The following TMEM25 variants were observed in gnomAD, a reference collection of about 807,000 sequenced individuals.
TMEM25 encodes the protein 0610039J01Rik.
TMEM25 carries 36 observed loss-of-function variants against 37.0 expected under a neutral mutation model. The observed-to-expected ratio is 0.97, with a 90% CI of 0.75 to 1.28. The LOEUF is 1.28. TMEM25 is among the 50% of genes most tolerant of loss of function. TMEM25 has a pLI of 0.00. For synonymous variants in TMEM25, 197 were observed against 203.7 expected (o/e 0.97, Z 0.28); for missense variants, 444 against 477.9 (o/e 0.93, Z 0.66).
In TMEM25 at chr11:118,545,424, T is replaced by C. The variant is rs1430025034; in HGVS notation, c.1028-695T>C. The C allele has an allele frequency of 2.5e-6, 4 of 1,612,372 alleles. No homozygotes were observed. The East Asian group carries it at 6.7e-5, about 27-fold the overall frequency. On this transcript the variant is annotated intron_variant, in intron 8 of 8. Transcript: ENST00000354284. ...CTTGGCTCACCTGTGAGTTCTTGAATTCTGAGTAGAGGGAAAAGAGCAGAT... is the reference window on the plus strand; with the variant it reads ...CTTGGCTCACCTGTGAGTTCTTGAACTCTGAGTAGAGGGAAAAGAGCAGAT...
At position 118,532,258 on chromosome 11, in the gene TMEM25, C is replaced by T. The variant is rs781900792; in HGVS notation, c.179C>T (p.Thr60Ile). Residue 60 changes from threonine to isoleucine, a missense_variant, in exon 3 of 9, where the codon ACC becomes ATC. Physicochemically the swap from Thr to Ile is moderately conservative, Grantham distance 89. Coordinates refer to ENST00000313236, the MANE Select transcript of TMEM25 (RefSeq NM_032780.4). ...TGCCGGGTGGCAGGGGGGCCTGGCACCCCCAGATTGGCCTGGTATCTGGAT... is the reference window on the plus strand; with the variant it reads ...TGCCGGGTGGCAGGGGGGCCTGGCATCCCCAGATTGGCCTGGTATCTGGAT... ...FTCRVAGGPG[T>I]PRLAWYLDGQ... 3 of 1,613,868 alleles carry T rather than the reference C, an allele frequency of 1.9e-6. No homozygotes were observed. Among genetic ancestry groups the T allele is most frequent in the South Asian group, 2.2e-5 (2 of 91,066 alleles).
rs1448635908 is a variant in TMEM25, at chr11:118,534,524, G to A, written c.1045G>A (p.Val349Met). 1.2e-6 allele frequency: 2 copies of A among 1,614,246 alleles called. No individual in the cohort carries two copies. The highest frequency in any genetic ancestry group is 1.3e-5 in the African/African-American group (1 of 75,066). ...LTSQGFIRLPVLGYIYRVSSV... is the reference protein window; with the variant it reads ...LTSQGFIRLPMLGYIYRVSSV... The stretch of plus-strand genomic sequence containing the variant: ...TCCCGCAGGTTTCATCCGCCTCCCA[G>A]TGCTGGGCTATATCTATCGAGTGTC... Residue 349 changes from valine (V) to methionine (M), a missense_variant, in exon 9 of 9, where the codon GTG (valine) becomes ATG (methionine). Coordinates refer to ENST00000313236, the MANE Select transcript of TMEM25 (RefSeq NM_032780.4). The surrounding 1 kb of genome is among the most constrained non-coding windows in gnomAD (Gnocchi z 4.6).
chr11:118,546,148 CAG>C (rs1313878795), exon 9 of TMEM25: 2 of 718,366 alleles, frequency 2.8e-6, no homozygotes, highest in African/African-American at 3.5e-5. Context: ...AGACGCATAA[CAG>C]AGGGAAGACC....
chr11:118,543,762 C>T (rs1555066309), intron 8 of TMEM25, among the ~76,000 whole-genome samples: 1 of 151,312 alleles, frequency 6.6e-6, no homozygotes, highest in African/African-American at 2.4e-5. Context: ...GCTGGGATTA[C>T]AGGCATGAGC....
chr11:118,545,386 T>A, intron 8 of TMEM25: 1 of 1,539,206 alleles, frequency 6.5e-7, no homozygotes, highest in Non-Finnish European at 9.0e-7. Flanking sequence ...ACAGCTTAAG[T>A]CAACCCCTGA....
chr11:118,531,626 C>T, intron 1 of TMEM25, 149 bp from the exon 2 acceptor site: 1 of 637,980 alleles, frequency 1.6e-6, no homozygotes, highest in East Asian at 2.8e-5. Flanking sequence ...TTGGGCTTTG[C>T]CGTTCGTGTC....
downstream of TMEM25, among the ~76,000 whole-genome samples, chr11:118,538,828 G>T (rs1288001426): frequency 6.6e-6 from 1 of 150,600 alleles, no homozygotes; most frequent in Non-Finnish European, 1.5e-5. Context: ...GGAGGCAGAG[G>T]TTGCAGTGAG....
exon 9 of TMEM25, chr11:118,546,380 A>C (rs1951686861): frequency 6.0e-6 from 3 of 499,594 alleles, no homozygotes; most frequent in Non-Finnish European, 1.1e-5. Flanking sequence ...AGTCCCAGCT[A>C]CTTGGGAGGC....
At chr11:118,531,905 C>T (rs1555058687) in intron 2 of TMEM25, 34 bp downstream of exon 2, 1 of 1,550,218 alleles carries the variant, frequency 6.5e-7, no homozygotes, top group Non-Finnish European at 8.7e-7. Context: ...CCAAGTCCTT[C>T]TGGGTTCCAA....
chr11:118,537,161 T>C (rs1331539100), downstream of TMEM25, among the ~76,000 whole-genome samples: 2 of 152,070 alleles, frequency 1.3e-5, no homozygotes, highest in African/African-American at 2.4e-5. Flanking sequence ...GGCAACATGG[T>C]GAAACCCCAT....
chr11:118,537,391 G>T (rs950070890), downstream of TMEM25, among the ~76,000 whole-genome samples: 3 of 152,066 alleles, frequency 2.0e-5, no homozygotes, highest in African/African-American at 7.2e-5. Flanking sequence ...CCAGGCTGGT[G>T]TGACATGTGT....
At position 118,534,807 on chromosome 11, in the gene TMEM25, C is replaced by A; in HGVS notation, c.*227C>A. 1 of 1,388,566 alleles carries A rather than the reference C, an allele frequency of 7.2e-7. No homozygotes were observed. 86.0% of individuals were successfully genotyped at this position (1,388,566 alleles called of 1,614,324 possible). ...GCAAGGCTACCAGTTGGACGTAAGCCCCTCATGCTGACTCAGGGTGGGCCC... is the reference window on the plus strand; with the variant it reads ...GCAAGGCTACCAGTTGGACGTAAGCACCTCATGCTGACTCAGGGTGGGCCC... On this transcript the variant is annotated 3_prime_UTR_variant, in exon 9 of 9. Transcript: ENST00000313236. The surrounding 1 kb of genome is among the most constrained non-coding windows in gnomAD (Gnocchi z 4.6).
intron 8 of TMEM25, among the ~76,000 whole-genome samples, chr11:118,543,017 G>A (rs374174559): frequency 2.0e-5 from 3 of 152,196 alleles, no homozygotes; most frequent in East Asian, 1.9e-4. Flanking sequence ...TGAGGCAGTC[G>A]GATCATGAGG....
At chr11:118,545,508 G>A in intron 8 of TMEM25, 1 of 1,597,982 alleles carries the variant, frequency 6.3e-7, no homozygotes, top group South Asian at 1.1e-5. Flanking sequence ...AAACGAAGAA[G>A]AACTTCCAGG....
chr11:118,535,568 A>AAGGT lies in TMEM25; in HGVS notation c.*989_*992dup. 1 of 1,535,890 alleles carries AAGGT rather than the reference A, an allele frequency of 6.5e-7. No individual in the cohort carries two copies. The highest frequency in any genetic ancestry group is 8.7e-7 in the Non-Finnish European group (1 of 1,146,758). ...AACCCATGGTTGCCTCATCAGCAGG[A>AAGGT]AGGTGCCCTTCCTGGAGGATGGTCG... On this transcript the variant is annotated 3_prime_UTR_variant, in exon 9 of 9. Coordinates refer to ENST00000313236, the MANE Select transcript of TMEM25 (RefSeq NM_032780.4).
intron 3 of TMEM25, 75 bp downstream of exon 3, chr11:118,532,536 C>T (rs1253706116): frequency 8.0e-6 from 12 of 1,499,488 alleles, no homozygotes; most frequent in South Asian, 1.3e-5. Context: ...GCAGGTGGTC[C>T]GCAGGACATT....
At chr11:118,543,354 GT>G (rs1205972798) in intron 8 of TMEM25, among the ~76,000 whole-genome samples, 1 of 151,830 alleles carries the variant, frequency 6.6e-6, no homozygotes, top group Non-Finnish European at 1.5e-5. Flanking sequence ...GTTTTGTTTT[GT>G]TTTTTTAGAC....
chr11:118,544,992 T>G (rs1555066690), intron 8 of TMEM25: 1 of 1,612,806 alleles, frequency 6.2e-7, no homozygotes, highest in South Asian at 1.1e-5. Context: ...TTTCTTGCCT[T>G]CAGCGAGAGC....
At chr11:118,544,794 T>G in intron 8 of TMEM25, 4 of 696,948 alleles carry the variant, frequency 5.7e-6, no homozygotes, top group South Asian at 1.7e-5. Context: ...CAGCAGGACA[T>G]GCACTGCCCC....
Sources: gnomAD v4.1 joint callset for allele counts (sites outside exome capture counted in the v4.1 genomes callset) on GRCh38, gnomAD v4.1.1 for gene constraint, Gnocchi (gnomAD v3.1) non-coding constraint, MANE v1.5 for transcripts, NCBI Gene and HGNC (gene_info 2026-07-23, HGNC 2026-07-21) for gene names.